Variants in SRGAP1 observed in about 807,000 individuals in gnomAD.
The protein encoded by SRGAP1 is SLIT-ROBO Rho GTPase-activating protein 1.
Under a neutral mutation model 121.9 loss-of-function variants are expected in SRGAP1, and 43 were observed. The ratio of observed to expected loss-of-function variants is 0.35; its 90% CI spans 0.28 to 0.46. The LOEUF is 0.46. Ranked by LOEUF, SRGAP1 falls within the 20% of genes least tolerant of loss-of-function variation. The pLI, the probability that SRGAP1 is intolerant of heterozygous loss-of-function variation, is 1.00. For missense variants in SRGAP1, 1,102 were observed against 1,350.9 expected, an observed-to-expected ratio of 0.82 and a Z score of 2.89; for synonymous variants, 447 against 485.4, an observed-to-expected ratio of 0.92 and a Z score of 1.04.
At position 63,955,339 on chromosome 12, in the gene SRGAP1, A is replaced by G. The variant is rs957751150; in HGVS notation, c.68-28608A>G. On this transcript the variant is annotated intron_variant, in intron 1 of 21. Coordinates refer to ENST00000355086, the MANE Select transcript of SRGAP1 (RefSeq NM_020762.4). ...GCCTCAAGAAAAAAAATAAATAAAAATAAAAACTGCATATATTTATGGTGT... is the reference window on the plus strand; with the variant it reads ...GCCTCAAGAAAAAAAATAAATAAAAGTAAAAACTGCATATATTTATGGTGT... Among the ~76,000 whole-genome samples the G allele has an allele frequency of 2.6e-4, 39 of 152,354 alleles. No individual in the cohort carries two copies. The East Asian group carries it at 7.1e-3, about 28-fold the overall frequency.
intron 1 of SRGAP1, among the ~76,000 whole-genome samples, chr12:63,884,842 C>T (rs1243609035): frequency 1.3e-5 from 2 of 151,646 alleles, no homozygotes; most frequent in African/African-American, 4.8e-5. Flanking sequence ...GCCTCAGCCT[C>T]CGGAGTAGCT....
At chr12:64,088,393 AAAG>A (rs1286628946) in intron 11 of SRGAP1, among the ~76,000 whole-genome samples, 2 of 152,236 alleles carry the variant, frequency 1.3e-5, no homozygotes, top group African/African-American at 4.8e-5. Context: ...CACTTCAAAA[AAAG>A]AGATTTTTTT....
chr12:64,134,199 A>T (rs2036825876), intron 21 of SRGAP1, among the ~76,000 whole-genome samples: 1 of 152,088 alleles, frequency 6.6e-6, no homozygotes, highest in Admixed American at 6.5e-5. Flanking sequence ...AGGCAGGCAG[A>T]TCACGGGGTC....
chr12:64,023,356 C>T (rs2034591247), intron 4 of SRGAP1, among the ~76,000 whole-genome samples: 1 of 151,808 alleles, frequency 6.6e-6, no homozygotes, highest in Non-Finnish European at 1.5e-5. Flanking sequence ...ACATTCAAAA[C>T]AAAATGTGCC....
At chr12:64,048,594 G>T (rs962428985) in intron 6 of SRGAP1, among the ~76,000 whole-genome samples, 1 of 152,030 alleles carries the variant, frequency 6.6e-6, no homozygotes, top group South Asian at 2.1e-4. Flanking sequence ...CTCCATAGTG[G>T]CTGTACTAAT....
chr12:64,113,909 G>A (rs948274442), intron 17 of SRGAP1, among the ~76,000 whole-genome samples: 4 of 152,160 alleles, frequency 2.6e-5, no homozygotes, highest in East Asian at 3.8e-4. Context: ...GCTGGAAATA[G>A]GTTTGTTTAA....
At chr12:63,863,366 G>A (rs1289704729) in intron 1 of SRGAP1, among the ~76,000 whole-genome samples, 6 of 150,758 alleles carry the variant, frequency 4.0e-5, no homozygotes, top group Admixed American at 2.0e-4. Context: ...TCTGCCTCCT[G>A]GGTTCAAGCA....
In SRGAP1 at chr12:64,079,104, G is replaced by A. The variant is rs747123507; in HGVS notation, c.1311G>A (p.Gln437=). ...KRRANQQETE[Q]FYFMKLREYL... ...GAGCCAACCAGCAGGAAACTGAACA[G>A]TTCTACTTCATGGTGTGCCCGCCAC... Residue 437 remains glutamine, a synonymous_variant, in exon 9 of 22, where the codon CAG becomes CAA. Coordinates refer to ENST00000355086, the MANE Select transcript of SRGAP1 (RefSeq NM_020762.4). 9 of 1,612,508 alleles carry A rather than the reference G, an allele frequency of 5.6e-6. No individual in the cohort carries two copies. In the South Asian group the frequency reaches 6.6e-5, roughly 12 times the overall value.
At position 63,990,009 on chromosome 12, in the gene SRGAP1, T is replaced by C. The variant is rs868129037; in HGVS notation, c.363T>C (p.Tyr121=). Residue 121 remains tyrosine (Y), a synonymous_variant, in exon 3 of 22, where the codon TAT becomes TAC. Coordinates refer to ENST00000355086, the MANE Select transcript of SRGAP1 (RefSeq NM_020762.4). ...ACCATGCAACCTTGAGTGACATCTA[T>C]CTGAACAATGTGATTATGCGGTTCA... ...SKDHATLSDI[Y]LNNVIMRFMQ... The C allele has an allele frequency of 4.3e-6, 7 of 1,613,862 alleles. No homozygotes were observed. Among genetic ancestry groups the C allele is most frequent in the Middle Eastern group, 1.6e-4 (1 of 6,082 alleles).
intron 19 of SRGAP1, among the ~76,000 whole-genome samples, chr12:64,126,918 AC>A (rs1372967845): frequency 6.6e-6 from 1 of 152,240 alleles, no homozygotes; most frequent in Non-Finnish European, 1.5e-5. Flanking sequence ...GCATCAATGG[AC>A]CACATATATG....
At chr12:64,108,689 C>T (rs2036383625) in intron 15 of SRGAP1, 1 of 339,840 alleles carries the variant, frequency 2.9e-6, no homozygotes, top group Non-Finnish European at 5.3e-6. Flanking sequence ...CTAGAAGACT[C>T]TAAATTACTC....
intron 1 of SRGAP1, chr12:63,872,018 T>G (rs1899870984): frequency 1.2e-6 from 1 of 857,910 alleles, no homozygotes; most frequent in Non-Finnish European, 2.0e-6. Context: ...CTTACAAAGG[T>G]TCTTCGGGTT....
chr12:64,022,698 G>A (rs2034575706), intron 4 of SRGAP1, among the ~76,000 whole-genome samples: 1 of 152,154 alleles, frequency 6.6e-6, no homozygotes. Flanking sequence ...GCACAACTCT[G>A]CACCTCAGTT....
chr12:63,974,445 T>G (rs902037185), intron 1 of SRGAP1, among the ~76,000 whole-genome samples: 3 of 152,080 alleles, frequency 2.0e-5, no homozygotes, highest in Admixed American at 1.3e-4. Context: ...GTCAGAAATT[T>G]TTTGAAATTT....
In SRGAP1 at chr12:64,152,937, C is replaced by A. The variant is rs1037770108; in HGVS notation, c.*10265C>A. 1.5e-4 allele frequency: 18 copies of A among 121,728 alleles called. No individual in the cohort carries two copies. The highest frequency in any genetic ancestry group is 1.2e-4 in the Non-Finnish European group (7 of 58,378). The allele number at this position is 121,728 out of a possible 1,614,324, so 7.5% of individuals were successfully genotyped here. ...AAAAAAAAAAAAAAAAAAAAAAAAA[C>A]CACTACATAAGCCAACAGCTAAACC... On this transcript the variant is annotated 3_prime_UTR_variant, in exon 22 of 22. Transcript: ENST00000355086.
intron 3 of SRGAP1, among the ~76,000 whole-genome samples, chr12:64,008,312 G>A (rs2034148547): frequency 1.3e-5 from 2 of 152,080 alleles, no homozygotes; most frequent in Admixed American, 6.5e-5. Flanking sequence ...TTCTCTGATT[G>A]TATTCAGCAA....
intron 8 of SRGAP1, among the ~76,000 whole-genome samples, chr12:64,068,666 G>A (rs372653567): frequency 6.6e-6 from 1 of 151,816 alleles, no homozygotes; most frequent in African/African-American, 2.4e-5. Flanking sequence ...CAGTGCTTGG[G>A]TTTTGAAAGT....
Position 64,062,016 on chromosome 12 carries a change from A to C in SRGAP1, c.802-901A>C, listed in dbSNP as rs200554461. 2.7e-4 allele frequency among the ~76,000 whole-genome samples: 22 copies of C among 81,244 alleles called. No individual in the cohort carries two copies. The East Asian group carries it at 7.4e-3, about 27-fold the overall frequency. The allele number at this position is 81,244 out of a possible 152,430, so 53.3% of individuals were successfully genotyped here. On this transcript the variant is annotated intron_variant, in intron 6 of 21. Transcript: ENST00000355086. ...TTTGTGTGCACATTTTTAGGTGGAA[A>C]TATGTTTTCATTTCTCTTATATATC...
At chr12:64,129,004 C>T (rs2136639897) in intron 21 of SRGAP1, among the ~76,000 whole-genome samples, 1 of 152,230 alleles carries the variant, frequency 6.6e-6, no homozygotes, top group African/African-American at 2.4e-5. Context: ...TGGCTTACAC[C>T]TGTAATCCCA....
Sources: gnomAD v4.1 joint callset for allele counts (sites outside exome capture counted in the v4.1 genomes callset) on GRCh38, gnomAD v4.1.1 for gene constraint, MANE v1.5 for transcripts, NCBI Gene and HGNC (gene_info 2026-07-23, HGNC 2026-07-21) for gene names.